The following MAGI1 variants were observed in gnomAD, a reference collection of about 807,000 sequenced individuals.
The protein encoded by MAGI1 is membrane-associated guanylate kinase, WW and PDZ domain-containing protein 1.
A neutral mutation model predicts 139.9 loss-of-function variants in MAGI1; 58 were observed. That is an observed-to-expected ratio of 0.41 (90% CI 0.34 to 0.52). The LOEUF (loss-of-function observed/expected upper bound fraction) is 0.52. MAGI1 is among the 20% of genes least tolerant of loss of function. MAGI1 has a pLI of 0.12. For synonymous variants in MAGI1, 812 were observed against 737.9 expected, an observed-to-expected ratio of 1.10 and a Z score of -1.63; for missense variants, 1,874 against 1,901.6, an observed-to-expected ratio of 0.99 and a Z score of 0.27.
At chr3:65,631,518 T>G (rs2084301471) in intron 1 of MAGI1, among the ~76,000 whole-genome samples, 1 of 152,218 alleles carries the variant, frequency 6.6e-6, no homozygotes, top group Non-Finnish European at 1.5e-5. Flanking sequence ...ATTATCCTCC[T>G]TGAACAAAAT....
intron 12 of MAGI1, among the ~76,000 whole-genome samples, chr3:65,408,011 A>ATCCCAGCACTTTGGGAGGCCGAG (rs1945494235): frequency 6.6e-6 from 1 of 152,158 alleles, no homozygotes; most frequent in Admixed American, 6.5e-5. Flanking sequence ...TGTGACACAA[A>ATCCCAGCACTTTGGGAGGCCGAG]GCTGTTATAG....
intron 11 of MAGI1, 81 bp from the exon 12 acceptor site, chr3:65,430,221 T>C (rs13098200): frequency 2.1e-6 from 3 of 1,426,508 alleles, no homozygotes; most frequent in Admixed American, 1.8e-5. Context: ...CCCACTAACA[T>C]AAAGCTGAAC....
intron 2 of MAGI1, among the ~76,000 whole-genome samples, chr3:65,596,283 AG>A (rs2082191756): frequency 6.6e-6 from 1 of 152,216 alleles, no homozygotes; most frequent in Non-Finnish European, 1.5e-5. Flanking sequence ...TCAATATAAA[AG>A]TCACAATGCC....
intron 10 of MAGI1, among the ~76,000 whole-genome samples, chr3:65,434,130 C>A (rs1266766854): frequency 6.6e-6 from 1 of 152,086 alleles, no homozygotes; most frequent in Non-Finnish European, 1.5e-5. Context: ...TAAACTATTC[C>A]TCATGTATAG....
rs145313324 is a variant in MAGI1 at position 65,634,955 on chromosome 3, TATGGACAG to T, written c.314-12875_314-12868del. On this transcript the variant is annotated intron_variant, in intron 1 of 22. Transcript: ENST00000402939. ...CTAGCAAAATGGAAATAGGTGTAAA[TATGGACAG>T]ATGGCATGGGTGTAGCAAGATGTTA... Among the ~76,000 whole-genome samples the T allele has an allele frequency of 3.6e-3, 551 of 152,248 alleles. 7 individuals carry two copies. The highest frequency in any genetic ancestry group is 0.013 in the African/African-American group (531 of 41,532).
intron 14 of MAGI1, chr3:65,387,360 G>A (rs1943533967): frequency 1.7e-6 from 1 of 585,230 alleles, no homozygotes; most frequent in South Asian, 2.4e-5. Flanking sequence ...TATGTTAAAA[G>A]ACTATAGTTT....
At chr3:65,658,643 T>C (rs1244296987) in intron 1 of MAGI1, among the ~76,000 whole-genome samples, 1 of 152,186 alleles carries the variant, frequency 6.6e-6, no homozygotes, top group Non-Finnish European at 1.5e-5. Context: ...CAGGTGATGC[T>C]AATGCTGTTG....
chr3:65,793,726 G>T (rs1301439549), intron 1 of MAGI1, among the ~76,000 whole-genome samples: 1 of 152,168 alleles, frequency 6.6e-6, no homozygotes. Flanking sequence ...TGCATTTCCA[G>T]GACAGTCTGT....
chr3:65,572,146 C>T (rs908774069), intron 2 of MAGI1, among the ~76,000 whole-genome samples: 2 of 152,086 alleles, frequency 1.3e-5, no homozygotes, highest in Admixed American at 1.3e-4. Flanking sequence ...GTTTACAATA[C>T]TGAGCATTTA....
intron 1 of MAGI1, among the ~76,000 whole-genome samples, chr3:65,921,903 C>T (rs114423995): frequency 0.033 from 4,831 of 147,356 alleles, 119 homozygotes; most frequent in Non-Finnish European, 0.049. Context: ...GAGACCCTAT[C>T]TCCAACCACA....
At chr3:65,597,929 G>T (rs757369762) in intron 2 of MAGI1, 1 of 452,696 alleles carries the variant, frequency 2.2e-6, no homozygotes. Context: ...CGGGGGTGGG[G>T]GGGGGGTGGG....
At chr3:65,735,740 A>G (rs1443732640) in intron 1 of MAGI1, among the ~76,000 whole-genome samples, 27 of 152,342 alleles carry the variant, frequency 1.8e-4, no homozygotes, top group African/African-American at 5.3e-4. Context: ...CTCCACAGTT[A>G]AAGATTCTCC....
intron 1 of MAGI1, among the ~76,000 whole-genome samples, chr3:65,904,050 AAACC>A (rs1411568274): frequency 2.6e-5 from 4 of 152,148 alleles, no homozygotes; most frequent in Non-Finnish European, 5.9e-5. Flanking sequence ...AATTTCCTCA[AAACC>A]ATGTAAATCT....
intron 1 of MAGI1, among the ~76,000 whole-genome samples, chr3:65,821,517 C>T (rs2041950415): frequency 6.6e-6 from 1 of 152,156 alleles, no homozygotes; most frequent in South Asian, 2.1e-4. Flanking sequence ...TTCCTTGGAT[C>T]TTTATCTGCA....
chr3:65,473,639 CAAAAAAA>C (rs35970775), intron 4 of MAGI1, among the ~76,000 whole-genome samples: 10 of 87,356 alleles, frequency 1.1e-4, no homozygotes, highest in African/African-American at 3.3e-4. Context: ...TACATGTTTA[CAAAAAAA>C]AAAAAAAAAA....
chr3:65,539,366 T>C (rs2079103919), intron 2 of MAGI1, among the ~76,000 whole-genome samples: 1 of 151,648 alleles, frequency 6.6e-6, no homozygotes, highest in East Asian at 2.0e-4. Flanking sequence ...CCAACTACTG[T>C]CAAACAGACA....
chr3:65,763,756 A>C (rs2037233829), intron 1 of MAGI1, among the ~76,000 whole-genome samples: 1 of 151,918 alleles, frequency 6.6e-6, no homozygotes, highest in Non-Finnish European at 1.5e-5. Flanking sequence ...TGCTTTTAAA[A>C]AAAAAAAAGA....
intron 1 of MAGI1, among the ~76,000 whole-genome samples, chr3:65,975,936 AATT>A (rs1217495653): frequency 6.6e-6 from 1 of 152,206 alleles, no homozygotes; most frequent in Non-Finnish European, 1.5e-5. Flanking sequence ...TTGAGCTGGA[AATT>A]CAAGAGAAAC....
chr3:65,668,761 C>T (rs936471989), intron 1 of MAGI1, among the ~76,000 whole-genome samples: 1 of 151,422 alleles, frequency 6.6e-6, no homozygotes, highest in African/African-American at 2.4e-5. Context: ...ACCATCTTGG[C>T]CAGGTTGGTC....
Sources: gnomAD v4.1 joint callset for allele counts (sites outside exome capture counted in the v4.1 genomes callset) on GRCh38, gnomAD v4.1.1 for gene constraint, MANE v1.5 for transcripts, NCBI Gene and HGNC (gene_info 2026-07-23, HGNC 2026-07-21) for gene names.